KLHL13: variants seen among roughly 807,000 people sequenced by gnomAD.
KLHL13 encodes kelch like family member 13.
Under a neutral mutation model 37.1 loss-of-function variants are expected in KLHL13, and 10 were observed. The ratio of observed to expected loss-of-function variants is 0.27; its 90% CI spans 0.17 to 0.46. KLHL13 has a LOEUF of 0.46. KLHL13 is among the 20% of genes least tolerant of loss of function. KLHL13 has a pLI of 1.00. For synonymous variants in KLHL13, 163 were observed against 181.2 expected, an observed-to-expected ratio of 0.90 and a Z score of 0.81; for missense variants, 360 against 509.3, an observed-to-expected ratio of 0.71 and a Z score of 2.82.
At chrX:118,063,721 A>G (rs2054766371) in intron 1 of KLHL13, among the ~76,000 whole-genome samples, 1 of 111,545 alleles carries the variant, frequency 9.0e-6, no homozygotes, top group Admixed American at 9.6e-5. Context: ...ACTCTGGAGC[A>G]TCTAGCTCAT....
chrX:118,115,800 G>C (rs997653308), intron 1 of KLHL13, among the ~76,000 whole-genome samples: 1 of 111,964 alleles, frequency 8.9e-6, no homozygotes, highest in African/African-American at 3.3e-5. Flanking sequence ...TATTGTTCTT[G>C]GACTAAGTTA....
chrX:118,063,830 G>T (rs2054767915), intron 1 of KLHL13, among the ~76,000 whole-genome samples: 1 of 111,569 alleles, frequency 9.0e-6, no homozygotes, highest in Admixed American at 9.5e-5. Context: ...TAAGTCATGA[G>T]CCACATTTGA....
intron 1 of KLHL13, among the ~76,000 whole-genome samples, chrX:118,019,494 G>T (rs374209955): frequency 0.03 from 3,229 of 109,389 alleles, 167 homozygotes; most frequent in African/African-American, 0.1. Flanking sequence ...CTCTTTAGTT[G>T]AATTAGATCC....
chrX:118,067,887 G>C (rs1250688894), intron 1 of KLHL13, among the ~76,000 whole-genome samples: 1 of 111,802 alleles, frequency 8.9e-6, no homozygotes, highest in African/African-American at 3.2e-5. Context: ...AATAACAATA[G>C]AAAGTATAGT....
At chrX:117,966,085 T>C (rs978710187) in intron 1 of KLHL13, among the ~76,000 whole-genome samples, 3 of 111,329 alleles carry the variant, frequency 2.7e-5, no homozygotes, top group Non-Finnish European at 5.7e-5. Flanking sequence ...AAATAAAGGG[T>C]ATTCAATTAG....
intron 2 of KLHL13, among the ~76,000 whole-genome samples, chrX:117,944,039 G>T (rs1474076605): frequency 9.0e-6 from 1 of 110,930 alleles, no homozygotes; most frequent in African/African-American, 3.3e-5. Flanking sequence ...TGTTGTTCTT[G>T]ATGCTATTCC....
chrX:118,078,433 C>G lies in KLHL13; in HGVS notation c.-56+38075G>C, dbSNP rs762067535. ...ATCATCCACTTTTCACCCCCATTCT[C>G]CAGCAAGCACTAACTTGTTTTCTGT... On this transcript the variant is annotated intron_variant, in intron 1 of 6. Transcript: ENST00000371882. 6.3e-5 allele frequency among the ~76,000 whole-genome samples: 7 copies of G among 111,357 alleles called. No individual in the cohort carries two copies. The South Asian group carries it at 2.6e-3, about 42-fold the overall frequency.
intron 1 of KLHL13, among the ~76,000 whole-genome samples, chrX:118,040,028 C>T (rs181623609): frequency 4.6e-4 from 51 of 111,531 alleles, no homozygotes; most frequent in African/African-American, 1.3e-3. Flanking sequence ...AGAGCCACAG[C>T]GTTACGAGGT....
chrX:118,007,914 A>G (rs2054005337), intron 1 of KLHL13, among the ~76,000 whole-genome samples: 1 of 112,168 alleles, frequency 8.9e-6, no homozygotes, highest in African/African-American at 3.2e-5. Flanking sequence ...TTCCAGGGAA[A>G]AAAGGTATTA....
At chrX:118,073,805 T>C (rs941503134) in intron 1 of KLHL13, among the ~76,000 whole-genome samples, 10 of 111,824 alleles carry the variant, frequency 8.9e-5, no homozygotes, top group Admixed American at 8.5e-4. Context: ...TACCCATTTC[T>C]CTTCCTTGCC....
intron 1 of KLHL13, among the ~76,000 whole-genome samples, chrX:118,098,933 G>A (rs1293440188): frequency 9.7e-4 from 72 of 74,452 alleles, no homozygotes; most frequent in Non-Finnish European, 1.3e-3. Flanking sequence ...TGTGGGGTGG[G>A]GGAAGGGGGG....
chrX:117,953,436 G>A (rs1366866982), intron 1 of KLHL13, among the ~76,000 whole-genome samples: 1 of 111,035 alleles, frequency 9.0e-6, no homozygotes, highest in Non-Finnish European at 1.9e-5. Context: ...ATAGCATTAG[G>A]AGATACACCT....
At chrX:118,057,212 T>A (rs140036704) in intron 1 of KLHL13, among the ~76,000 whole-genome samples, 9,363 of 111,851 alleles carry the variant, frequency 0.084, 346 homozygotes, top group Middle Eastern at 0.14. Flanking sequence ...GTTAACTATT[T>A]TCCATAAGTG....
At chrX:118,032,682 A>T (rs757645898) in intron 1 of KLHL13, among the ~76,000 whole-genome samples, 1 of 112,017 alleles carries the variant, frequency 8.9e-6, no homozygotes. Flanking sequence ...AAAGCAGAGC[A>T]CCTCTCCTCC....
At chrX:118,063,815 A>C in intron 1 of KLHL13, among the ~76,000 whole-genome samples, 1 of 111,878 alleles carries the variant, frequency 8.9e-6, no homozygotes, top group East Asian at 2.8e-4. Context: ...ATATCAAATT[A>C]ATTTTAAGTC....
At chrX:118,014,540 T>C (rs765523266) in intron 1 of KLHL13, among the ~76,000 whole-genome samples, 1 of 112,270 alleles carries the variant, frequency 8.9e-6, no homozygotes, top group Non-Finnish European at 1.9e-5. Context: ...GATCTTTTAT[T>C]GCCCTTTGAA....
chrX:118,063,769 T>C (rs1233005847), intron 1 of KLHL13, among the ~76,000 whole-genome samples: 1 of 111,649 alleles, frequency 9.0e-6, no homozygotes. Flanking sequence ...AAGGTCATTG[T>C]GAATTCTTAA....
intron 1 of KLHL13, among the ~76,000 whole-genome samples, chrX:118,015,247 T>A (rs751397354): frequency 1.8e-5 from 2 of 111,867 alleles, no homozygotes; most frequent in Non-Finnish European, 3.8e-5. Flanking sequence ...TAGTTACATT[T>A]AAAAATGTAT....
intron 5 of KLHL13, among the ~76,000 whole-genome samples, chrX:117,907,276 C>G (rs907945526): frequency 4.5e-5 from 5 of 111,095 alleles, no homozygotes; most frequent in African/African-American, 1.6e-4. Flanking sequence ...CCTCTAGCAT[C>G]TTGGTTTTAT....
Sources: allele counts gnomAD v4.1 joint callset (sites outside exome capture counted in the v4.1 genomes callset), GRCh38; gene constraint gnomAD v4.1.1; transcripts MANE v1.5; gene names NCBI Gene and HGNC (gene_info 2026-07-23, HGNC 2026-07-21).